Variants in PTPRQ observed in about 807,000 individuals in gnomAD.
PTPRQ encodes the protein protein tyrosine phosphatase receptor type Q, also known as phosphatidylinositol phosphatase PTPRQ.
A neutral mutation model predicts 246.0 loss-of-function variants in PTPRQ; 199 were observed. The ratio of observed to expected loss-of-function variants is 0.81; its 90% CI spans 0.72 to 0.91. The LOEUF is 0.91. Among genes scored for constraint, PTPRQ ranks in the 40% least tolerant of loss-of-function variants. The pLI, the probability that PTPRQ is intolerant of heterozygous loss-of-function variation, is 0.00. For synonymous variants in PTPRQ, 869 were observed against 853.2 expected, an observed-to-expected ratio of 1.02 and a Z score of -0.32; for missense variants, 2,624 against 2,528.4, an observed-to-expected ratio of 1.04 and a Z score of -0.81.
intron 14 of PTPRQ, among the ~76,000 whole-genome samples, chr12:80,504,423 T>C (rs868689529): frequency 1.3e-5 from 2 of 151,930 alleles, no homozygotes; most frequent in African/African-American, 4.8e-5. Context: ...TTTTAAAATA[T>C]GTTTGATTTC....
chr12:80,576,366 T>C (rs1218379470), intron 25 of PTPRQ, among the ~76,000 whole-genome samples: 1 of 152,192 alleles, frequency 6.6e-6, no homozygotes, highest in Admixed American at 6.5e-5. Context: ...AGTCTCAAAT[T>C]CCTGACCTCA....
At chr12:80,525,399 G>A (rs932908548) in intron 17 of PTPRQ, among the ~76,000 whole-genome samples, 8 of 152,126 alleles carry the variant, frequency 5.3e-5, no homozygotes, top group Non-Finnish European at 8.8e-5. Context: ...GCTTGATGTG[G>A]TCAACAATGA....
chr12:80,584,662 C>G (rs1232628238), intron 25 of PTPRQ, among the ~76,000 whole-genome samples: 1 of 152,158 alleles, frequency 6.6e-6, no homozygotes, highest in Non-Finnish European at 1.5e-5. Flanking sequence ...ATCACCCTCT[C>G]TTCCATGATC....
chr12:80,463,817 T>G (rs1299453764), intron 6 of PTPRQ, among the ~76,000 whole-genome samples: 1 of 150,910 alleles, frequency 6.6e-6, no homozygotes, highest in African/African-American at 2.5e-5. Context: ...AAGCAAATGC[T>G]GAGAGATTTT....
At chr12:80,621,920 A>C in intron 32 of PTPRQ, 141 bp from the exon 33 acceptor site, 1 of 554,546 alleles carries the variant, frequency 1.8e-6, no homozygotes, top group South Asian at 3.7e-5. Flanking sequence ...TCTCCTGATG[A>C]TGATTCCATT....
At chr12:80,619,979 A>G (rs1239481902) in intron 31 of PTPRQ, among the ~76,000 whole-genome samples, 175 bp from the exon 32 acceptor site, 1 of 151,658 alleles carries the variant, frequency 6.6e-6, no homozygotes, top group African/African-American at 2.4e-5. Flanking sequence ...GTAGATTCAC[A>G]TGTAACAGAG....
intron 25 of PTPRQ, among the ~76,000 whole-genome samples, chr12:80,553,730 C>A (rs987321855): frequency 2.0e-5 from 3 of 152,058 alleles, no homozygotes; most frequent in Non-Finnish European, 4.4e-5. Flanking sequence ...TGGAACAGGG[C>A]AGTAAAGATG....
At chr12:80,612,572 A>G (rs1315375920) in intron 28 of PTPRQ, among the ~76,000 whole-genome samples, 2 of 150,452 alleles carry the variant, frequency 1.3e-5, no homozygotes. Context: ...GACCTCTCAT[A>G]CATTGCTAGT....
chr12:80,622,753 T>G (rs941534022), intron 33 of PTPRQ, among the ~76,000 whole-genome samples: 1 of 152,186 alleles, frequency 6.6e-6, no homozygotes, highest in Non-Finnish European at 1.5e-5. Context: ...AGAAAATAAT[T>G]TAATTTCTAT....
intron 35 of PTPRQ, among the ~76,000 whole-genome samples, chr12:80,638,267 TA>T (rs148232481): frequency 0.079 from 10,905 of 138,456 alleles, 439 homozygotes; most frequent in South Asian, 0.2. Flanking sequence ...GAAACTCCGT[TA>T]AAAAAAAAAA....
intron 9 of PTPRQ, among the ~76,000 whole-genome samples, chr12:80,485,108 A>G (rs1183017710): frequency 1.3e-5 from 2 of 152,172 alleles, no homozygotes; most frequent in African/African-American, 4.8e-5. Context: ...TACTAAATAA[A>G]AGAAATTTAA....
intron 27 of PTPRQ, among the ~76,000 whole-genome samples, chr12:80,608,951 A>G (rs1898440905): frequency 6.6e-6 from 1 of 150,684 alleles, no homozygotes; most frequent in Non-Finnish European, 1.5e-5. Flanking sequence ...AATGTTAACA[A>G]CTAGTTAAAT....
Position 80,678,603 on chromosome 12 carries a change from C to T in PTPRQ, c.6740C>T (p.Ala2247Val). The T allele has an allele frequency of 6.5e-7, 1 of 1,545,922 alleles. No homozygotes were observed. The highest frequency in any genetic ancestry group is 8.7e-7 in the Non-Finnish European group (1 of 1,144,192). The change falls in exon 44 of 45, where the codon GCA (alanine) becomes GTA (valine). Residue 2247 changes from alanine (A) to valine (V), a missense_variant and splice_region_variant. By Grantham distance (64) the Ala-to-Val change is moderately conservative. Coordinates refer to ENST00000644991, the MANE Select transcript of PTPRQ (RefSeq NM_001145026.2). ...SERMCMVQNL[A>V]QYIFLHQCIL... ...AACCACTCTGTCTTTGGTGTCTAGGCACAGTATATCTTTTTACACCAGTGC... is the reference window on the plus strand; with the variant it reads ...AACCACTCTGTCTTTGGTGTCTAGGTACAGTATATCTTTTTACACCAGTGC...
intron 35 of PTPRQ, 48 bp downstream of exon 35, chr12:80,635,121 A>G (rs1169294409): frequency 6.5e-7 from 1 of 1,543,514 alleles, no homozygotes; most frequent in Non-Finnish European, 8.7e-7. Context: ...GCCTGGAGCC[A>G]TGACCCTATT....
chr12:80,515,892 A>C (rs563139124), intron 17 of PTPRQ, among the ~76,000 whole-genome samples: 1 of 152,236 alleles, frequency 6.6e-6, no homozygotes, highest in African/African-American at 2.4e-5. Flanking sequence ...TTACTGTATG[A>C]GTCACATTTG....
chr12:80,581,531 A>G (rs1897436109), intron 25 of PTPRQ, among the ~76,000 whole-genome samples: 1 of 152,010 alleles, frequency 6.6e-6, no homozygotes, highest in African/African-American at 2.4e-5. Flanking sequence ...GCTACCCGAG[A>G]GACTGGGTTG....
chr12:80,633,047 C>T (rs1305497226), intron 34 of PTPRQ, among the ~76,000 whole-genome samples: 2 of 152,070 alleles, frequency 1.3e-5, no homozygotes, highest in East Asian at 3.9e-4. Context: ...ACTCTAGTGC[C>T]CTCTATTGAC....
chr12:80,517,167 T>C (rs1030985410), intron 17 of PTPRQ, among the ~76,000 whole-genome samples: 1 of 151,996 alleles, frequency 6.6e-6, no homozygotes, highest in African/African-American at 2.4e-5. Context: ...TAGAATTGAT[T>C]GTCAGTGTTA....
At chr12:80,607,499 C>T (rs1298392233) in intron 27 of PTPRQ, among the ~76,000 whole-genome samples, 2 of 144,732 alleles carry the variant, frequency 1.4e-5, no homozygotes, top group East Asian at 2.3e-4. Flanking sequence ...TACTTCCTTC[C>T]TTCCTTCCTC....
Sources: gnomAD v4.1 joint callset for allele counts (sites outside exome capture counted in the v4.1 genomes callset) on GRCh38, gnomAD v4.1.1 for gene constraint, MANE v1.5 for transcripts, NCBI Gene and HGNC (gene_info 2026-07-23, HGNC 2026-07-21) for gene names.